Variants in MXI1 observed in about 807,000 individuals in gnomAD.
MXI1 encodes the protein max-interacting protein 1.
MXI1 carries 18 observed loss-of-function variants against 36.9 expected under a neutral mutation model. The ratio of observed to expected loss-of-function variants is 0.49; its 90% CI spans 0.34 to 0.72. The LOEUF is 0.72. MXI1 is among the 30% of genes least tolerant of loss of function. The probability of loss-of-function intolerance (pLI) is 0.01; values close to 1 mark genes in which losing one functional copy is unlikely to be tolerated. For synonymous variants in MXI1, 160 were observed against 146.7 expected (o/e 1.09, Z -0.65); for missense variants, 304 against 379.1 (o/e 0.80, Z 1.64).
intron 5 of MXI1, 99 bp downstream of exon 5, chr10:110,280,184 C>A: frequency 1.0e-6 from 1 of 987,974 alleles, no homozygotes; most frequent in Non-Finnish European, 1.4e-6. Flanking sequence ...TTCTTTCTAG[C>A]CAACAGAGTA....
intron 3 of MXI1, among the ~76,000 whole-genome samples, chr10:110,272,022 C>T (rs1170281895): frequency 6.6e-6 from 1 of 151,960 alleles, no homozygotes; most frequent in African/African-American, 2.4e-5. Context: ...GAGACATAAT[C>T]CCAGCCATGA....
rs1857436060 is a variant in MXI1, at chr10:110,286,879, G to A, written c.*1892G>A. ...GAAGCCCAGTATCAGAACTTGCTAC[G>A]TTTCAGGTGCTAGGGACTTAATGAA... On this transcript the variant is annotated 3_prime_UTR_variant, in exon 6 of 6. Coordinates refer to ENST00000332674, the MANE Select transcript of MXI1 (RefSeq NM_130439.3). 1 of 152,158 alleles carries A rather than the reference G, an allele frequency of 6.6e-6. No individual in the cohort carries two copies. Among genetic ancestry groups the A allele is most frequent in the Non-Finnish European group, 1.5e-5 (1 of 68,014 alleles). The allele number at this position is 152,158 out of a possible 1,614,324, so 9.4% of individuals were successfully genotyped here.
intron 2 of MXI1, 65 bp downstream of exon 2, chr10:110,228,386 C>T (rs1485620229): frequency 6.3e-7 from 1 of 1,596,380 alleles, no homozygotes; most frequent in African/African-American, 1.3e-5. Flanking sequence ...CCTGTAATCC[C>T]AAGTCTGAAG....
At chr10:110,254,642 A>G (rs1025726996) in intron 3 of MXI1, among the ~76,000 whole-genome samples, 1 of 152,138 alleles carries the variant, frequency 6.6e-6, no homozygotes, top group Non-Finnish European at 1.5e-5. Context: ...TAAAAGTGCT[A>G]CTCTGGTGAA....
intron 3 of MXI1, among the ~76,000 whole-genome samples, chr10:110,248,391 A>G (rs1855950578): frequency 6.6e-6 from 1 of 152,174 alleles, no homozygotes; most frequent in Non-Finnish European, 1.5e-5. Context: ...TTTGCAGATT[A>G]TTTCTGACTC....
At chr10:110,212,743 C>G (rs1854542336) in intron 1 of MXI1, among the ~76,000 whole-genome samples, 1 of 152,188 alleles carries the variant, frequency 6.6e-6, no homozygotes, top group Non-Finnish European at 1.5e-5. Flanking sequence ...CATTGTCAAA[C>G]AACTCAATGA....
At chr10:110,252,485 C>T (rs1212327705) in intron 3 of MXI1, among the ~76,000 whole-genome samples, 3 of 152,054 alleles carry the variant, frequency 2.0e-5, no homozygotes, top group Admixed American at 2.0e-4. Flanking sequence ...TTGGAAAGCC[C>T]TGCTCTAGTT....
chr10:110,276,698 T>C (rs1169751515), intron 3 of MXI1, among the ~76,000 whole-genome samples: 1 of 152,138 alleles, frequency 6.6e-6, no homozygotes, highest in Non-Finnish European at 1.5e-5. Context: ...ATGGAATGAT[T>C]AAAGAGAGAA....
chr10:110,236,881 T>G (rs1229974874), intron 2 of MXI1, among the ~76,000 whole-genome samples: 3 of 152,226 alleles, frequency 2.0e-5, no homozygotes, highest in African/African-American at 7.2e-5. Context: ...ATGTATTAAC[T>G]ATTGAATCTT....
chr10:110,259,150 AG>A (rs1856417911), intron 3 of MXI1, among the ~76,000 whole-genome samples: 1 of 152,152 alleles, frequency 6.6e-6, no homozygotes, highest in Non-Finnish European at 1.5e-5. Context: ...AAGTTGTGGT[AG>A]CTTTTTATGC....
At chr10:110,265,221 T>G (rs1162339268) in intron 3 of MXI1, among the ~76,000 whole-genome samples, 1 of 152,178 alleles carries the variant, frequency 6.6e-6, no homozygotes, top group Non-Finnish European at 1.5e-5. Context: ...TTAGCAACAG[T>G]TTTACTATAT....
chr10:110,249,985 A>G (rs1034541190), intron 3 of MXI1, among the ~76,000 whole-genome samples: 1 of 152,120 alleles, frequency 6.6e-6, no homozygotes, highest in South Asian at 2.1e-4. Flanking sequence ...ATAGCCACCA[A>G]ATGTTGAGGT....
chr10:110,222,191 C>G (rs186309499), intron 1 of MXI1, among the ~76,000 whole-genome samples: 77 of 152,258 alleles, frequency 5.1e-4, no homozygotes, highest in African/African-American at 1.7e-3. Flanking sequence ...TAACGGTTCT[C>G]ATTTAAGAGC....
intron 1 of MXI1, chr10:110,226,237 G>A (rs756460801): frequency 7.3e-6 from 11 of 1,499,586 alleles, no homozygotes; most frequent in African/African-American, 1.4e-5. Flanking sequence ...TGATCAACGT[G>A]CAGCGTCTGC....
chr10:110,279,491 G>A (rs766447289), intron 4 of MXI1, among the ~76,000 whole-genome samples, 197 bp downstream of exon 4: 39 of 152,194 alleles, frequency 2.6e-4, no homozygotes, highest in African/African-American at 7.5e-4. Context: ...TTTTGACAGC[G>A]TGGCCATTTG....
intron 3 of MXI1, among the ~76,000 whole-genome samples, chr10:110,268,873 G>A (rs7917093): frequency 0.23 from 35,199 of 152,002 alleles, 4,964 homozygotes; most frequent in African/African-American, 0.4. Flanking sequence ...GGACTATGGC[G>A]TATTTTAAAT....
rs576545138 is a variant in MXI1, at chr10:110,284,056, G to A, written c.725-768G>A. 4.6e-5 allele frequency among the ~76,000 whole-genome samples: 7 copies of A among 151,944 alleles called. No homozygotes were observed. In the South Asian group the frequency reaches 1.0e-3, roughly 23 times the overall value. On this transcript the variant is annotated intron_variant, in intron 5 of 5. Coordinates refer to ENST00000332674, the MANE Select transcript of MXI1 (RefSeq NM_130439.3). ...GATCTTCCTGCCTTAGCCTCCCAAA[G>A]TGCTGGGATTACGGACGTGAGCCAC...
intron 3 of MXI1, among the ~76,000 whole-genome samples, chr10:110,252,810 T>C (rs974804892): frequency 5.3e-5 from 8 of 152,288 alleles, no homozygotes; most frequent in African/African-American, 1.7e-4. Flanking sequence ...GATGAAGATA[T>C]ATACTCTTGA....
intron 2 of MXI1, among the ~76,000 whole-genome samples, chr10:110,232,066 T>C (rs749457104): frequency 1.3e-5 from 2 of 152,120 alleles, no homozygotes; most frequent in Non-Finnish European, 2.9e-5. Context: ...GTTCACGCCA[T>C]TCTCCTGCCT....
Sources: allele counts gnomAD v4.1 joint callset (sites outside exome capture counted in the v4.1 genomes callset), GRCh38; gene constraint gnomAD v4.1.1; transcripts MANE v1.5; gene names NCBI Gene and HGNC (gene_info 2026-07-23, HGNC 2026-07-21).